MIDEAS: variants seen among roughly 807,000 people sequenced by gnomAD.
The protein encoded by MIDEAS is mitotic deacetylase associated SANT domain protein.
Under a neutral mutation model 102.7 loss-of-function variants are expected in MIDEAS, and 26 were observed. That is an observed-to-expected ratio of 0.25 (90% CI 0.19 to 0.35). The LOEUF (loss-of-function observed/expected upper bound fraction) is 0.35, where lower values mean the gene tolerates loss of function less well. Among genes scored for constraint, MIDEAS ranks in the 10% least tolerant of loss-of-function variants. The probability of loss-of-function intolerance (pLI) is 1.00; values close to 1 mark genes in which losing one functional copy is unlikely to be tolerated. For missense variants in MIDEAS, 1,231 were observed against 1,435.6 expected (o/e 0.86, Z 2.30); for synonymous variants, 585 against 591.0 (o/e 0.99, Z 0.15).
rs759323835 is a variant in MIDEAS, at chr14:73,726,749, G to A, written c.2306-42C>T. 68 of 1,613,092 alleles carry A rather than the reference G, an allele frequency of 4.2e-5. 2 individuals carry two copies. The highest frequency in any genetic ancestry group is 3.0e-4 in the South Asian group (27 of 90,944). On this transcript the variant is annotated intron_variant, in intron 6 of 12. Coordinates refer to ENST00000423556, the MANE Select transcript of MIDEAS (RefSeq NM_001367710.1). ...ATGAGGAGGGAGGGGAGGAAACCACGTTCAGGGCGGGGCTGGGCAGGGTGA... is the reference window on the plus strand; with the variant it reads ...ATGAGGAGGGAGGGGAGGAAACCACATTCAGGGCGGGGCTGGGCAGGGTGA...
At chr14:73,776,529 CA>C (rs71460920) in intron 1 of MIDEAS, among the ~76,000 whole-genome samples, 51,158 of 113,168 alleles carry the variant, frequency 0.45, 9,773 homozygotes, top group East Asian at 0.71. Context: ...GTTTAAATTA[CA>C]AAAAAAAAAA....
At chr14:73,733,182 T>C (rs1379740631) in intron 3 of MIDEAS, among the ~76,000 whole-genome samples, 1 of 152,048 alleles carries the variant, frequency 6.6e-6, no homozygotes. Context: ...GGATTGGGAC[T>C]CCAAAAAGGG....
At chr14:73,753,515 G>A (rs1398916290) in intron 1 of MIDEAS, among the ~76,000 whole-genome samples, 1 of 152,232 alleles carries the variant, frequency 6.6e-6, no homozygotes, top group African/African-American at 2.4e-5. Context: ...GGGATTCAAT[G>A]AGGTAATACA....
chr14:73,780,687 C>T (rs959933911), intron 1 of MIDEAS, among the ~76,000 whole-genome samples: 10 of 152,190 alleles, frequency 6.6e-5, no homozygotes, highest in Non-Finnish European at 1.5e-4. Context: ...TGTTCCTGGG[C>T]CTTCTCCTGC....
At chr14:73,769,926 T>TA (rs397936429) in intron 1 of MIDEAS, among the ~76,000 whole-genome samples, 1 of 147,142 alleles carries the variant, frequency 6.8e-6, no homozygotes, top group African/African-American at 2.5e-5. Context: ...TTTTTTTTTT[T>TA]AATTTTTGCG....
At chr14:73,730,526 C>T (rs1427246159) in intron 3 of MIDEAS, among the ~76,000 whole-genome samples, 1 of 152,174 alleles carries the variant, frequency 6.6e-6, no homozygotes, top group African/African-American at 2.4e-5. Context: ...ATGAGGACTG[C>T]ATGAATTAAT....
intron 1 of MIDEAS, among the ~76,000 whole-genome samples, chr14:73,772,794 AGTGTGTGTGT>A (rs61402555): frequency 1.2e-3 from 160 of 135,714 alleles, no homozygotes; most frequent in South Asian, 2.0e-3. Context: ...TTCAAGTTCT[AGTGTGTGTGT>A]GTGTGTGTGT....
At chr14:73,772,281 A>G (rs762123849) in intron 1 of MIDEAS, among the ~76,000 whole-genome samples, 12 of 152,266 alleles carry the variant, frequency 7.9e-5, no homozygotes, top group Admixed American at 1.3e-4. Flanking sequence ...TTGTCTTATA[A>G]ATAAAAAAAA....
upstream of MIDEAS, among the ~76,000 whole-genome samples, chr14:73,788,305 C>G (rs1015518065): frequency 1.3e-5 from 2 of 152,250 alleles, no homozygotes; most frequent in Middle Eastern, 6.8e-3. Context: ...CTTTTTTCCC[C>G]AAATACTGCT....
upstream of MIDEAS, among the ~76,000 whole-genome samples, chr14:73,788,262 T>C (rs907788223): frequency 1.3e-5 from 2 of 152,156 alleles, no homozygotes; most frequent in African/African-American, 4.8e-5. Context: ...TAATAGGTGG[T>C]TCAAAAGCAT....
intron 1 of MIDEAS, among the ~76,000 whole-genome samples, chr14:73,779,829 G>A (rs1477417045): frequency 2.8e-5 from 4 of 145,386 alleles, no homozygotes; most frequent in South Asian, 4.5e-4. Flanking sequence ...CACCCGCCTC[G>A]GCCTTCCAAA....
At chr14:73,772,592 T>G (rs1344304335) in intron 1 of MIDEAS, among the ~76,000 whole-genome samples, 2 of 152,186 alleles carry the variant, frequency 1.3e-5, no homozygotes, top group Non-Finnish European at 2.9e-5. Context: ...GTTTTGTTTT[T>G]TTTTCTTTTC....
At chr14:73,760,956 A>G (rs1360483870), upstream of MIDEAS, among the ~76,000 whole-genome samples, 2 of 152,212 alleles carry the variant, frequency 1.3e-5, no homozygotes, top group Non-Finnish European at 2.9e-5. The surrounding 1 kb of genome is among the most constrained non-coding windows in gnomAD (Gnocchi z 4.8). Flanking sequence ...ACTGGTGGGA[A>G]GATGGAAAAC....
chr14:73,787,418 C>G (rs1287880046), upstream of MIDEAS: 1 of 152,144 alleles, frequency 6.6e-6, no homozygotes, highest in Middle Eastern at 3.2e-3. Flanking sequence ...CTGCACCCCC[C>G]GCCCTGGGAG....
At chr14:73,746,296 C>T (rs2053350758) in intron 1 of MIDEAS, among the ~76,000 whole-genome samples, 1 of 152,204 alleles carries the variant, frequency 6.6e-6, no homozygotes, top group South Asian at 2.1e-4. Flanking sequence ...AGAAAACAGT[C>T]ATGAGCAAAG....
intron 12 of MIDEAS, 83 bp downstream of exon 12, chr14:73,719,222 T>TCCCCCGGCCCGCCCCC: frequency 6.7e-7 from 1 of 1,497,118 alleles, no homozygotes; most frequent in Non-Finnish European, 8.9e-7. Flanking sequence ...CTGTACCTCT[T>TCCCCCGGCCCGCCCCC]CCCCCTCCCC....
chr14:73,756,289 T>TGC (rs1312850557), intron 1 of MIDEAS, among the ~76,000 whole-genome samples: 9 of 127,144 alleles, frequency 7.1e-5, no homozygotes, highest in Non-Finnish European at 9.8e-5. Flanking sequence ...TGTGTGTGTG[T>TGC]GTGTGTGCGC....
At position 73,725,839 on chromosome 14, in the gene MIDEAS, T is replaced by G. The variant is rs1181314880; in HGVS notation, c.2485+194A>C. 6.6e-6 allele frequency among the ~76,000 whole-genome samples: 1 copy of G among 151,888 alleles called. No homozygotes were observed. The highest frequency in any genetic ancestry group is 1.5e-5 in the Non-Finnish European group (1 of 67,966). On this transcript the variant is annotated intron_variant, in intron 8 of 12. Coordinates refer to ENST00000423556, the MANE Select transcript of MIDEAS (RefSeq NM_001367710.1). The surrounding 1 kb of genome is among the most constrained non-coding windows in gnomAD (Gnocchi z 4.1). Reference sequence around the variant, plus strand: ...CCCACCTGCCCACTCCCTTCTCCCCTCCCCTCCAGGGCACAGGAAACCCCT... The same window carrying G: ...CCCACCTGCCCACTCCCTTCTCCCCGCCCCTCCAGGGCACAGGAAACCCCT...
chr14:73,782,949 C>T (rs773842639), intron 1 of MIDEAS, among the ~76,000 whole-genome samples: 1 of 152,204 alleles, frequency 6.6e-6, no homozygotes, highest in Non-Finnish European at 1.5e-5. Flanking sequence ...GCCTTTGGTG[C>T]TTGGCTTGGG....
Sources: gnomAD v4.1 joint callset for allele counts (sites outside exome capture counted in the v4.1 genomes callset) on GRCh38, gnomAD v4.1.1 for gene constraint, Gnocchi (gnomAD v3.1) non-coding constraint, MANE v1.5 for transcripts, NCBI Gene and HGNC (gene_info 2026-07-23, HGNC 2026-07-21) for gene names.